The following ELMO1 variants were observed in gnomAD, a reference collection of about 807,000 sequenced individuals.
The protein encoded by ELMO1 is engulfment and cell motility protein 1.
In ELMO1, 26 loss-of-function variants were observed where a neutral mutation model predicts 98.9. The observed-to-expected ratio is 0.26, with a 90% CI of 0.19 to 0.36. ELMO1 has a LOEUF of 0.36. Ranked by LOEUF, ELMO1 falls within the 10% of genes least tolerant of loss-of-function variation. ELMO1 has a pLI of 1.00. For missense variants in ELMO1, 627 were observed against 935.2 expected (o/e 0.67, Z 4.30); for synonymous variants, 346 against 346.0 (o/e 1.00, Z 0.00).
chr7:37,090,249 T>C (rs1388604702), intron 15 of ELMO1, among the ~76,000 whole-genome samples: 1 of 152,254 alleles, frequency 6.6e-6, no homozygotes, highest in Non-Finnish European at 1.5e-5. Flanking sequence ...TTGAGATTTC[T>C]ACTACTTGTA....
Position 37,334,894 on chromosome 7 carries a change from A to T in ELMO1, c.78+7719T>A, listed in dbSNP as rs190613901. Reference sequence around the variant, plus strand: ...TAGGGAATTAAACCCTTCCCAATATACTGGGGTAGGCGTGCTATTATAATT... The same window carrying T: ...TAGGGAATTAAACCCTTCCCAATATTCTGGGGTAGGCGTGCTATTATAATT... On this transcript the variant is annotated intron_variant, in intron 2 of 21. Coordinates refer to ENST00000310758, the MANE Select transcript of ELMO1 (RefSeq NM_014800.11). Among the ~76,000 whole-genome samples the T allele has an allele frequency of 1.2e-4, 18 of 152,302 alleles. No individual in the cohort carries two copies. In the East Asian group the frequency reaches 3.5e-3, roughly 29 times the overall value.
chr7:37,094,336 G>A (rs1038179328), intron 15 of ELMO1, among the ~76,000 whole-genome samples: 1 of 152,154 alleles, frequency 6.6e-6, no homozygotes, highest in African/African-American at 2.4e-5. Flanking sequence ...CCAGGGACCT[G>A]CGAGGTGTTT....
At chr7:37,013,168 A>C (rs760593221) in intron 16 of ELMO1, 131 bp downstream of exon 16, 1 of 1,185,154 alleles carries the variant, frequency 8.4e-7, no homozygotes, top group Non-Finnish European at 1.2e-6. Context: ...TCCATTCTTG[A>C]AGCAACTATC....
intron 1 of ELMO1, among the ~76,000 whole-genome samples, chr7:37,397,374 T>C (rs77453678): frequency 0.023 from 3,549 of 152,310 alleles, 140 homozygotes; most frequent in African/African-American, 0.081. Flanking sequence ...CTCAAGCCCA[T>C]CTTTGGACCA....
At chr7:36,890,918 C>A (rs1367125622) in intron 17 of ELMO1, among the ~76,000 whole-genome samples, 1 of 152,190 alleles carries the variant, frequency 6.6e-6, no homozygotes. Context: ...ACACTGGCCT[C>A]CTCTTTATTC....
intron 16 of ELMO1, among the ~76,000 whole-genome samples, chr7:36,934,395 C>T (rs1205983223): frequency 2.0e-5 from 3 of 152,210 alleles, no homozygotes; most frequent in African/African-American, 7.2e-5. Context: ...GAGCGCTGGG[C>T]TTCGCAGCAT....
chr7:37,151,577 AT>A (rs1788363900), intron 13 of ELMO1, among the ~76,000 whole-genome samples: 1 of 152,168 alleles, frequency 6.6e-6, no homozygotes, highest in East Asian at 1.9e-4. Flanking sequence ...CAAAAATGTA[AT>A]GTTATCATAT....
chr7:37,108,402 CATAAAACCTTATGCA>C lies in ELMO1; in HGVS notation c.1192-11690_1192-11676del, dbSNP rs1355284734. ...GACCCAATCCAGATGTCACTTTCTC[CATAAAACCTTATGCA>C]ATAAAACCTTATGTATGGTTTTCCT... On this transcript the variant is annotated intron_variant, in intron 14 of 21. Transcript: ENST00000310758. 8.5e-5 allele frequency among the ~76,000 whole-genome samples: 13 copies of C among 152,280 alleles called. No homozygotes were observed. The East Asian group carries it at 2.3e-3, about 27-fold the overall frequency.
intron 2 of ELMO1, among the ~76,000 whole-genome samples, chr7:37,334,140 T>A (rs940274998): frequency 6.6e-6 from 1 of 152,196 alleles, no homozygotes; most frequent in African/African-American, 2.4e-5. Flanking sequence ...ATTTTCAACA[T>A]GTTTCATGAG....
intron 16 of ELMO1, among the ~76,000 whole-genome samples, chr7:36,946,434 G>T (rs80305617): frequency 2.7e-4 from 41 of 152,296 alleles, no homozygotes; most frequent in African/African-American, 9.4e-4. Context: ...GCTATGCTAT[G>T]AAGACAAAGA....
chr7:37,242,852 C>T (rs1287212397), intron 7 of ELMO1, among the ~76,000 whole-genome samples: 2 of 152,162 alleles, frequency 1.3e-5, no homozygotes, highest in Admixed American at 6.5e-5. Flanking sequence ...AAGACTGAGG[C>T]TCTCTGCCAC....
At chr7:37,256,547 G>GA in intron 6 of ELMO1, among the ~76,000 whole-genome samples, 2 of 95,988 alleles carry the variant, frequency 2.1e-5, no homozygotes, top group African/African-American at 5.9e-5. Context: ...AGGAAAGAAG[G>GA]AAGAAAGGAA....
intron 4 of ELMO1, among the ~76,000 whole-genome samples, chr7:37,297,973 T>C (rs56828275): frequency 4.6e-5 from 7 of 152,162 alleles, no homozygotes; most frequent in Non-Finnish European, 8.8e-5. Context: ...ATGCCATTGG[T>C]TTTCTCTAAG....
chr7:37,010,325 C>CAT (rs1793457439), intron 16 of ELMO1, among the ~76,000 whole-genome samples: 1 of 152,216 alleles, frequency 6.6e-6, no homozygotes, highest in African/African-American at 2.4e-5. Flanking sequence ...TTGGTGCCTG[C>CAT]ATTCCAATCC....
intron 1 of ELMO1, among the ~76,000 whole-genome samples, chr7:37,348,736 T>C (rs1401856286): frequency 6.6e-6 from 1 of 152,132 alleles, no homozygotes. Context: ...TACACATTGT[T>C]CTATGCCCCA....
chr7:37,308,274 C>T (rs1175640986), intron 4 of ELMO1, among the ~76,000 whole-genome samples: 2 of 152,184 alleles, frequency 1.3e-5, no homozygotes, highest in African/African-American at 4.8e-5. Flanking sequence ...CGTTTGTCAT[C>T]AAGTCCAGCT....
At chr7:37,056,638 G>A (rs1796403825) in intron 15 of ELMO1, among the ~76,000 whole-genome samples, 1 of 152,242 alleles carries the variant, frequency 6.6e-6, no homozygotes, top group Admixed American at 6.5e-5. Context: ...CCAAGGGCAG[G>A]ATCCCTTTGA....
At chr7:37,037,937 A>G (rs35199197) in intron 15 of ELMO1, among the ~76,000 whole-genome samples, 19,480 of 152,196 alleles carry the variant, frequency 0.13, 1,651 homozygotes, top group African/African-American at 0.25. Context: ...AGACAGCCTG[A>G]AGACTGCAAT....
In ELMO1 at chr7:36,943,032, T is replaced by C. The variant is rs143311600; in HGVS notation, c.1438-48015A>G. On this transcript the variant is annotated intron_variant, in intron 16 of 21. Transcript: ENST00000310758. ...CACGGCAGGCTGGCATGTGGGACAG[T>C]TCAGTGTGACACAGACTACCTGCGG... is the stretch of plus-strand genomic sequence containing the variant. Among the ~76,000 whole-genome samples, 147 of 152,272 alleles carry C rather than the reference T, an allele frequency of 9.7e-4. 1 individual carries two copies. The highest frequency in any genetic ancestry group is 6.8e-3 in the Middle Eastern group (2 of 294).
Sources: gnomAD v4.1 joint callset for allele counts (sites outside exome capture counted in the v4.1 genomes callset) on GRCh38, gnomAD v4.1.1 for gene constraint, MANE v1.5 for transcripts, NCBI Gene and HGNC (gene_info 2026-07-23, HGNC 2026-07-21) for gene names.